The following TRPM2 variants were observed in gnomAD, a reference collection of about 807,000 sequenced individuals.
TRPM2 encodes estrogen-responsive element-associated gene 1 protein.
Under a neutral mutation model 174.0 loss-of-function variants are expected in TRPM2, and 161 were observed. The observed-to-expected ratio is 0.93, with a 90% CI of 0.81 to 1.05. The LOEUF (loss-of-function observed/expected upper bound fraction) is 1.05, where lower values mean the gene tolerates loss of function less well. Ranked by LOEUF, TRPM2 falls within the 50% of genes least tolerant of loss-of-function variation. The pLI is 0.00. For missense variants in TRPM2, 2,057 were observed against 2,038.0 expected, an observed-to-expected ratio of 1.01 and a Z score of -0.18; for synonymous variants, 954 against 861.3, an observed-to-expected ratio of 1.11 and a Z score of -1.88.
intron 2 of TRPM2, among the ~76,000 whole-genome samples, chr21:44,362,515 GAA>G (rs57444178): frequency 3.7e-5 from 5 of 136,280 alleles, no homozygotes; most frequent in African/African-American, 1.1e-4. Flanking sequence ...TCCATTTCAA[GAA>G]AAAAAAAAAA....
At chr21:44,406,801 T>A in intron 19 of TRPM2, 36 bp downstream of exon 19, 1 of 1,571,236 alleles carries the variant, frequency 6.4e-7, no homozygotes, top group African/African-American at 1.4e-5. Flanking sequence ...CGGGTGGTGC[T>A]GCCGGGAAGC....
intron 22 of TRPM2, among the ~76,000 whole-genome samples, chr21:44,420,520 T>C (rs974757794): frequency 3.3e-5 from 5 of 152,198 alleles, no homozygotes; most frequent in African/African-American, 1.2e-4. Flanking sequence ...CCAGGCCTGC[T>C]CAGCCCTGAC....
chr21:44,389,591 A>G (rs2049112567), intron 9 of TRPM2, among the ~76,000 whole-genome samples: 1 of 152,140 alleles, frequency 6.6e-6, no homozygotes, highest in Admixed American at 6.5e-5. Context: ...ATCCTAGTGG[A>G]TGTGAAGTGA....
chr21:44,371,829 G>A (rs1216235087), intron 5 of TRPM2, among the ~76,000 whole-genome samples: 5 of 152,184 alleles, frequency 3.3e-5, no homozygotes, highest in African/African-American at 9.7e-5. Context: ...GGCAAAATAT[G>A]TTCACACCAT....
At position 44,391,679 on chromosome 21, in the gene TRPM2, T is replaced by C. The variant is rs2049183157; in HGVS notation, c.1794+54T>C. On this transcript the variant is annotated intron_variant, in intron 11 of 31. Transcript: ENST00000397928. The surrounding 1 kb of genome is among the most constrained non-coding windows in gnomAD (Gnocchi z 5.0). ...GACTCGTCTTCGCGGGCTACTGCTA[T>C]GTTCTTAGAGCTCTCTGTTTTTAAA... 1.4e-6 allele frequency: 2 copies of C among 1,426,006 alleles called. No individual in the cohort carries two copies. Among genetic ancestry groups the C allele is most frequent in the Non-Finnish European group, 9.4e-7 (1 of 1,066,826 alleles). The allele number at this position is 1,426,006 out of a possible 1,614,324, so 88.3% of individuals were successfully genotyped here.
chr21:44,375,098 A>G (rs1394780764), intron 5 of TRPM2, among the ~76,000 whole-genome samples: 2 of 152,104 alleles, frequency 1.3e-5, no homozygotes, highest in Admixed American at 6.5e-5. Flanking sequence ...TTTTGTAGAC[A>G]TGAGATCCGC....
intron 2 of TRPM2, among the ~76,000 whole-genome samples, chr21:44,362,848 A>T (rs918049452): frequency 6.6e-6 from 1 of 152,068 alleles, no homozygotes; most frequent in African/African-American, 2.4e-5. Context: ...ATCTGGGCTC[A>T]CTGCAACTTC....
intron 16 of TRPM2, among the ~76,000 whole-genome samples, chr21:44,403,979 C>T (rs534457080): frequency 1.2e-4 from 18 of 151,588 alleles, no homozygotes; most frequent in Admixed American, 4.6e-4. Context: ...CATGCACATA[C>T]ACATGCATAC....
intron 2 of TRPM2, among the ~76,000 whole-genome samples, chr21:44,359,299 C>T (rs575968336): frequency 3.3e-5 from 5 of 152,092 alleles, no homozygotes; most frequent in Admixed American, 6.6e-5. Context: ...TCTCCAAGTC[C>T]GCACCCAACC....
At chr21:44,416,975 CTG>C (rs35150425) in intron 20 of TRPM2, among the ~76,000 whole-genome samples, 1,304 of 130,106 alleles carry the variant, frequency 0.01, 49 homozygotes, top group African/African-American at 0.033. Flanking sequence ...GCTCTGCTCT[CTG>C]TGGCATCACA....
chr21:44,436,781 G>A lies in TRPM2; in HGVS notation c.4062-281G>A, dbSNP rs573174601. Among the ~76,000 whole-genome samples, 8 of 152,160 alleles carry A rather than the reference G, an allele frequency of 5.3e-5. No individual in the cohort carries two copies. In the East Asian group the frequency reaches 1.6e-3, roughly 30 times the overall value. On this transcript the variant is annotated intron_variant, in intron 28 of 31. Coordinates refer to ENST00000397928, the MANE Select transcript of TRPM2 (RefSeq NM_003307.4). Reference sequence around the variant, plus strand: ...GGTCAAACTGCAAAGCTGGGTCAAAGGGCAGGTACCTCTCTAAGGATTTTA... The same window carrying A: ...GGTCAAACTGCAAAGCTGGGTCAAAAGGCAGGTACCTCTCTAAGGATTTTA...
chr21:44,365,806 C>G (rs2146149457), intron 3 of TRPM2, among the ~76,000 whole-genome samples: 1 of 152,320 alleles, frequency 6.6e-6, no homozygotes, highest in Non-Finnish European at 1.5e-5. Context: ...TGCCTCGAAG[C>G]CCGGGAGCGT....
chr21:44,430,040 C>T (rs148401753), intron 27 of TRPM2, among the ~76,000 whole-genome samples: 238 of 152,244 alleles, frequency 1.6e-3, no homozygotes, highest in Non-Finnish European at 2.4e-3. Flanking sequence ...AGATGTTTCC[C>T]CTTTAGCCAA....
chr21:44,357,096 T>C (rs1602115150), intron 2 of TRPM2, among the ~76,000 whole-genome samples: 1 of 152,314 alleles, frequency 6.6e-6, no homozygotes, highest in East Asian at 1.9e-4. Flanking sequence ...ATCCTGTGAC[T>C]TAGAATGCCT....
In TRPM2 at chr21:44,353,878, C is replaced by T; in HGVS notation, c.165+13C>T. 1 of 1,595,464 alleles carries T rather than the reference C, an allele frequency of 6.3e-7. No homozygotes were observed. The highest frequency in any genetic ancestry group is 8.5e-7 in the Non-Finnish European group (1 of 1,172,552). On this transcript the variant is annotated intron_variant, in intron 1 of 31. Transcript: ENST00000397928. ...CAACAATGACAAGGTAGGCTTTCTGCTGGTCAGCCTGCAGTTGGCACGTGG... is the reference window on the plus strand; with the variant it reads ...CAACAATGACAAGGTAGGCTTTCTGTTGGTCAGCCTGCAGTTGGCACGTGG...
intron 22 of TRPM2, among the ~76,000 whole-genome samples, chr21:44,420,351 C>T (rs1026443753): frequency 2.6e-5 from 4 of 152,176 alleles, no homozygotes; most frequent in Non-Finnish European, 5.9e-5. Context: ...TGCCAGGCTC[C>T]ATGTGAGAGT....
At chr21:44,388,553 G>C (rs951320777) in intron 9 of TRPM2, among the ~76,000 whole-genome samples, 3 of 151,836 alleles carry the variant, frequency 2.0e-5, no homozygotes, top group African/African-American at 7.3e-5. Flanking sequence ...ATTTGGCTGG[G>C]TGAGCTGGCT....
chr21:44,393,870 T>G (rs1337589325), intron 11 of TRPM2, among the ~76,000 whole-genome samples: 1 of 152,106 alleles, frequency 6.6e-6, no homozygotes, highest in African/African-American at 2.4e-5. Context: ...TATGACTTGG[T>G]TTCTTTGTTT....
Position 44,391,073 on chromosome 21 carries a change from C to A in TRPM2, c.1440+48C>A. 2 of 1,609,928 alleles carry A rather than the reference C, an allele frequency of 1.2e-6. No individual in the cohort carries two copies. The highest frequency in any genetic ancestry group is 2.2e-5 in the East Asian group (1 of 44,798). On this transcript the variant is annotated intron_variant, in intron 10 of 31. Coordinates refer to ENST00000397928, the MANE Select transcript of TRPM2 (RefSeq NM_003307.4). This position sits in a 1 kb window ranked among gnomAD's most constrained non-coding sequence, Gnocchi z 5.0. ...TGGAGGGGCCTACTGGGCCCACATGCATTGCACCACTGAAGCAAGGGCAGG... is the reference window on the plus strand; with the variant it reads ...TGGAGGGGCCTACTGGGCCCACATGAATTGCACCACTGAAGCAAGGGCAGG...
Sources: gnomAD v4.1 joint callset for allele counts (sites outside exome capture counted in the v4.1 genomes callset) on GRCh38, gnomAD v4.1.1 for gene constraint, Gnocchi (gnomAD v3.1) non-coding constraint, MANE v1.5 for transcripts, NCBI Gene and HGNC (gene_info 2026-07-23, HGNC 2026-07-21) for gene names.